Variants in SCTR observed in about 807,000 individuals in gnomAD.
The protein encoded by SCTR is secretin receptor.
SCTR carries 56 observed loss-of-function variants against 60.8 expected under a neutral mutation model. That is an observed-to-expected ratio of 0.92 (90% CI 0.74 to 1.15). The LOEUF is 1.15. Ranked by LOEUF, SCTR falls within the 50% of genes most tolerant of loss-of-function variation. SCTR has a pLI of 0.00. For synonymous variants in SCTR, 202 were observed against 217.0 expected (o/e 0.93, Z 0.61); for missense variants, 562 against 550.4 (o/e 1.02, Z -0.21).
At chr2:119,462,594 G>A (rs1683658417) in intron 6 of SCTR, among the ~76,000 whole-genome samples, 1 of 152,204 alleles carries the variant, frequency 6.6e-6, no homozygotes. Flanking sequence ...CATGTCCCCT[G>A]CAGGGATCCC....
intron 9 of SCTR, among the ~76,000 whole-genome samples, chr2:119,451,037 G>C (rs1307237720): frequency 6.6e-6 from 1 of 152,166 alleles, no homozygotes; most frequent in African/African-American, 2.4e-5. Context: ...AAGAATAAAA[G>C]AAGGTTGTCA....
At chr2:119,504,107 T>C (rs1016671013) in intron 1 of SCTR, among the ~76,000 whole-genome samples, 2 of 152,154 alleles carry the variant, frequency 1.3e-5, no homozygotes, top group Non-Finnish European at 2.9e-5. Flanking sequence ...GAAATAGACC[T>C]ACGTAAATAT....
At chr2:119,501,407 C>T (rs1430950381) in intron 1 of SCTR, among the ~76,000 whole-genome samples, 1 of 143,124 alleles carries the variant, frequency 7.0e-6, no homozygotes, top group Non-Finnish European at 1.5e-5. Context: ...GAGACTCCAT[C>T]TAAAAAAAAA....
In SCTR at chr2:119,478,868, C is replaced by T; in HGVS notation, c.244G>A (p.Gly82Ser). ...GGGCATTCCACCTCCACCATCCGGCCCGGCACAGAAGAGGGCCAGCAGCTT... is the reference window on the plus strand; with the variant it reads ...GGGCATTCCACCTCCACCATCCGGCTCGGCACAGAAGAGGGCCAGCAGCTT... ...NISCWPSSVP[G>S]RMVEVECPRF... The change falls in exon 3 of 13, where the codon GGC becomes AGC. Residue 82 changes from glycine to serine, a missense_variant. Coordinates refer to ENST00000019103, the MANE Select transcript of SCTR (RefSeq NM_002980.3). The T allele has an allele frequency of 6.2e-7, 1 of 1,614,192 alleles. No homozygotes were observed. The highest frequency in any genetic ancestry group is 8.5e-7 in the Non-Finnish European group (1 of 1,180,040).
At chr2:119,469,562 C>G (rs1287316392) in intron 4 of SCTR, among the ~76,000 whole-genome samples, 1 of 152,184 alleles carries the variant, frequency 6.6e-6, no homozygotes, top group Non-Finnish European at 1.5e-5. Context: ...ACGATCATGG[C>G]TCACTACAGC....
At chr2:119,465,097 C>G (rs1683776011) in intron 5 of SCTR, among the ~76,000 whole-genome samples, 1 of 152,240 alleles carries the variant, frequency 6.6e-6, no homozygotes. Flanking sequence ...TCATGACAGA[C>G]TTGATCAATC....
chr2:119,488,411 G>A (rs1677975953), intron 2 of SCTR, among the ~76,000 whole-genome samples: 1 of 152,234 alleles, frequency 6.6e-6, no homozygotes, highest in African/African-American at 2.4e-5. Context: ...TCCCCCCAGT[G>A]AGTGTGAGGC....
intron 1 of SCTR, among the ~76,000 whole-genome samples, chr2:119,502,498 G>A (rs1678585127): frequency 6.6e-6 from 1 of 152,006 alleles, no homozygotes; most frequent in Non-Finnish European, 1.5e-5. Context: ...CAAGTGTTTT[G>A]GAGATACAAA....
chr2:119,506,454 C>CTTATT (rs1678741997), intron 1 of SCTR, among the ~76,000 whole-genome samples: 2 of 149,960 alleles, frequency 1.3e-5, no homozygotes, highest in Admixed American at 1.3e-4. Context: ...TATAGCATTC[C>CTTATT]TTATTTTATT....
At chr2:119,469,097 T>A (rs2587698) in intron 4 of SCTR, among the ~76,000 whole-genome samples, 133,460 of 152,188 alleles carry the variant, frequency 0.88, 58,623 homozygotes, top group African/African-American at 0.91. Context: ...CTCAGGGATG[T>A]GAGGAAGACC....
At chr2:119,450,076 GAAAA>G (rs1683098263) in intron 9 of SCTR, among the ~76,000 whole-genome samples, 1 of 121,598 alleles carries the variant, frequency 8.2e-6, no homozygotes, top group South Asian at 2.3e-4. Context: ...AAGAAAGAAA[GAAAA>G]ATAAATAAAT....
chr2:119,473,536 T>G lies in SCTR; in HGVS notation c.322A>C (p.Thr108Pro), dbSNP rs775238828. Residue 108 changes from threonine (T) to proline (P), a missense_variant, in exon 4 of 13, where the codon ACA becomes CCA. Physicochemically the swap from Thr to Pro is conservative, Grantham distance 38 (BLOSUM62 -1). Transcript: ENST00000019103. Reference protein sequence around the residue: ...SRNGSLFRNCTQDGWSETFPR... With the variant: ...SRNGSLFRNCPQDGWSETFPR... ...AAGGTTTCTGACCAGCCATCCTGTG[T>G]GCAGTTTCGGAACAAGGAACCTGTG... 2.9e-5 allele frequency: 46 copies of G among 1,613,904 alleles called. 1 individual carries two copies. Among genetic ancestry groups the G allele is most frequent in the South Asian group, 1.4e-4 (13 of 91,080 alleles).
At chr2:119,521,825 G>T (rs181988322) in intron 1 of SCTR, among the ~76,000 whole-genome samples, 145 of 152,184 alleles carry the variant, frequency 9.5e-4, no homozygotes, top group Middle Eastern at 3.4e-3. Context: ...CAGGGCTCCA[G>T]AGGCTGGGAA....
intron 1 of SCTR, among the ~76,000 whole-genome samples, chr2:119,506,252 T>A (rs570565484): frequency 6.6e-6 from 1 of 152,206 alleles, no homozygotes; most frequent in Non-Finnish European, 1.5e-5. Context: ...ACTTAAACAA[T>A]CCAGATGTTT....
At chr2:119,523,833 A>G (rs1243346840) in intron 1 of SCTR, among the ~76,000 whole-genome samples, 1 of 152,214 alleles carries the variant, frequency 6.6e-6, no homozygotes, top group Non-Finnish European at 1.5e-5. Flanking sequence ...CCCAGGACAC[A>G]GTAGGCACTG....
At chr2:119,491,827 T>C (rs1172047073) in intron 2 of SCTR, among the ~76,000 whole-genome samples, 1 of 152,192 alleles carries the variant, frequency 6.6e-6, no homozygotes, top group Non-Finnish European at 1.5e-5. Flanking sequence ...TTCTAATCAC[T>C]TGATCCATGT....
chr2:119,444,478 C>T (rs62646445), intron 11 of SCTR, among the ~76,000 whole-genome samples: 44,430 of 50,716 alleles, frequency 0.88, 20,255 homozygotes, highest in African/African-American at 0.92. Flanking sequence ...TATATACGTA[C>T]GTATATATAT....
chr2:119,474,610 C>T (rs1677185193), intron 3 of SCTR, among the ~76,000 whole-genome samples: 1 of 152,188 alleles, frequency 6.6e-6, no homozygotes, highest in African/African-American at 2.4e-5. Flanking sequence ...CTTAACAGCC[C>T]CAGCTGAGCG....
rs1217158860 is a variant in SCTR at position 119,448,747 on chromosome 2, T to G, written c.955A>C (p.Ile319Leu). The change falls in exon 10 of 13, where the codon ATC becomes CTC. Residue 319 changes from isoleucine (I) to leucine (L), a missense_variant. Coordinates refer to ENST00000019103, the MANE Select transcript of SCTR (RefSeq NM_002980.3). The stretch of plus-strand genomic sequence containing the variant: ...TGGGTTCTAAGTTTTCTCATCAGGA[T>G]TCTTAGAATGTTTATGAAAAGGATG... ...NFILFINILR[I>L]LMRKLRTQET... 12 of 1,601,966 alleles carry G rather than the reference T, an allele frequency of 7.5e-6. No individual in the cohort carries two copies. The highest frequency in any genetic ancestry group is 9.4e-6 in the Non-Finnish European group (11 of 1,168,902).
Sources: allele counts gnomAD v4.1 joint callset (sites outside exome capture counted in the v4.1 genomes callset), GRCh38; gene constraint gnomAD v4.1.1; transcripts MANE v1.5; gene names NCBI Gene and HGNC (gene_info 2026-07-23, HGNC 2026-07-21).